PDCD1LG2: variants seen among roughly 807,000 people sequenced by gnomAD.
PDCD1LG2 encodes B7 dendritic cell molecule.
Under a neutral mutation model 28.2 loss-of-function variants are expected in PDCD1LG2, and 32 were observed. The observed-to-expected ratio is 1.13, with a 90% CI of 0.86 to 1.52. PDCD1LG2 has a LOEUF of 1.52. PDCD1LG2 is among the 40% of genes most tolerant of loss of function. The pLI is 0.00. For missense variants in PDCD1LG2, 385 were observed against 323.8 expected (o/e 1.19, Z -1.45); for synonymous variants, 116 against 120.2 (o/e 0.97, Z 0.23).
At chr9:5,518,689 C>A (rs954386630) in intron 1 of PDCD1LG2, among the ~76,000 whole-genome samples, 3 of 152,228 alleles carry the variant, frequency 2.0e-5, no homozygotes, top group African/African-American at 7.2e-5. Flanking sequence ...GAGGACCTTA[C>A]ATTTCCCTCT....
intron 6 of PDCD1LG2, among the ~76,000 whole-genome samples, chr9:5,566,870 T>C (rs981266346): frequency 6.6e-6 from 1 of 152,220 alleles, no homozygotes; most frequent in Admixed American, 6.5e-5. Flanking sequence ...TTATGTATCA[T>C]TCATGTCCTA....
intron 2 of PDCD1LG2, among the ~76,000 whole-genome samples, chr9:5,534,198 C>T (rs553297106): frequency 1.3e-5 from 2 of 152,168 alleles, no homozygotes; most frequent in African/African-American, 4.8e-5. Flanking sequence ...AAGAATTCAA[C>T]AAGTAATAGT....
intron 4 of PDCD1LG2, among the ~76,000 whole-genome samples, chr9:5,555,274 A>G (rs1291350581): frequency 1.3e-5 from 2 of 152,066 alleles, no homozygotes; most frequent in Non-Finnish European, 2.9e-5. Context: ...AAAATTAGCC[A>G]GGCATGGTGG....
intron 3 of PDCD1LG2, among the ~76,000 whole-genome samples, chr9:5,538,726 G>C (rs974019742): frequency 4.6e-5 from 7 of 151,586 alleles, no homozygotes; most frequent in Non-Finnish European, 7.4e-5. Context: ...GACACATTAA[G>C]TTTATTGTGA....
Position 5,570,716 on chromosome 9 carries a change from A to G in PDCD1LG2, c.*757A>G, listed in dbSNP as rs1295970488. ...TTATTTGTTTTTACCTTAGAAATCAATTATATACAGTCAAAAATATTTGAT... is the reference window on the plus strand; with the variant it reads ...TTATTTGTTTTTACCTTAGAAATCAGTTATATACAGTCAAAAATATTTGAT... On this transcript the variant is annotated 3_prime_UTR_variant, in exon 7 of 7. Transcript: ENST00000397747. The G allele has an allele frequency of 4.3e-6, 1 of 232,048 alleles. No homozygotes were observed. The highest frequency in any genetic ancestry group is 5.6e-5 in the Admixed American group (1 of 17,754). 14.4% of individuals were successfully genotyped at this position (232,048 alleles called of 1,614,324 possible).
chr9:5,547,636 T>G (rs1816237945), intron 3 of PDCD1LG2, among the ~76,000 whole-genome samples: 1 of 152,100 alleles, frequency 6.6e-6, no homozygotes. Flanking sequence ...TATGTATAGA[T>G]TATAGAAAGA....
intron 1 of PDCD1LG2, among the ~76,000 whole-genome samples, chr9:5,514,306 G>C (rs900485297): frequency 3.3e-5 from 5 of 152,170 alleles, no homozygotes; most frequent in East Asian, 1.9e-4. Flanking sequence ...GATAATTAAA[G>C]CTTCAGCACC....
At chr9:5,517,569 G>A (rs1182303185) in intron 1 of PDCD1LG2, among the ~76,000 whole-genome samples, 5 of 152,152 alleles carry the variant, frequency 3.3e-5, no homozygotes, top group African/African-American at 9.7e-5. Flanking sequence ...CTGAGCCATC[G>A]GAAGGTTTTA....
At chr9:5,527,962 G>C (rs934959419) in intron 2 of PDCD1LG2, among the ~76,000 whole-genome samples, 3 of 151,936 alleles carry the variant, frequency 2.0e-5, no homozygotes, top group African/African-American at 7.3e-5. Context: ...CCAAGTAGCT[G>C]GGATTACAGG....
At chr9:5,519,364 C>T (rs1477287424) in intron 1 of PDCD1LG2, among the ~76,000 whole-genome samples, 1 of 152,158 alleles carries the variant, frequency 6.6e-6, no homozygotes, top group Non-Finnish European at 1.5e-5. Flanking sequence ...GTGGTTTACT[C>T]TCTCTTAGAG....
chr9:5,516,945 T>C (rs528982243), intron 1 of PDCD1LG2, among the ~76,000 whole-genome samples: 4 of 152,304 alleles, frequency 2.6e-5, no homozygotes, highest in Admixed American at 1.3e-4. Flanking sequence ...CAGGGGTGCC[T>C]GGGAGCATGC....
chr9:5,520,018 C>A (rs1332315252), intron 1 of PDCD1LG2, among the ~76,000 whole-genome samples: 1 of 152,296 alleles, frequency 6.6e-6, no homozygotes. Context: ...CCAAATTGAT[C>A]TATGGATTCA....
chr9:5,559,041 G>T (rs538738498), intron 5 of PDCD1LG2, among the ~76,000 whole-genome samples: 7 of 152,130 alleles, frequency 4.6e-5, no homozygotes, highest in Admixed American at 4.6e-4. Flanking sequence ...AGGGTTCAAG[G>T]CCTGGGGCCT....
intron 4 of PDCD1LG2, among the ~76,000 whole-genome samples, chr9:5,553,586 T>G (rs1816380128): frequency 1.3e-5 from 2 of 152,140 alleles, no homozygotes; most frequent in African/African-American, 4.8e-5. Context: ...GGTAGAGATG[T>G]GAAAGGGCAG....
chr9:5,523,447 A>G (rs1820315272), intron 2 of PDCD1LG2, among the ~76,000 whole-genome samples: 1 of 152,144 alleles, frequency 6.6e-6, no homozygotes, highest in African/African-American at 2.4e-5. Flanking sequence ...CCTTTCGAAG[A>G]GCTTTCTCCT....
intron 3 of PDCD1LG2, among the ~76,000 whole-genome samples, chr9:5,541,906 G>A (rs1006039310): frequency 5.9e-5 from 9 of 152,088 alleles, no homozygotes; most frequent in African/African-American, 2.2e-4. Flanking sequence ...CAAACCTGGA[G>A]GCATCACATT....
intron 1 of PDCD1LG2, among the ~76,000 whole-genome samples, chr9:5,517,709 G>T (rs1357748527): frequency 6.6e-6 from 1 of 152,206 alleles, no homozygotes; most frequent in Non-Finnish European, 1.5e-5. Flanking sequence ...AAATGACAAT[G>T]ACTCTGACCG....
At position 5,531,754 on chromosome 9, in the gene PDCD1LG2, A is replaced by G. The variant is rs367609066; in HGVS notation, c.56-2991A>G. Among the ~76,000 whole-genome samples the G allele has an allele frequency of 3.2e-3, 493 of 152,342 alleles. 3 individuals carry two copies. The highest frequency in any genetic ancestry group is 0.023 in the South Asian group (110 of 4,826). ...GTCTCTACCCAAAGTCATCTATTTA[A>G]TTCTTGTTGTTATGCAGACTCAGCA... is the stretch of plus-strand genomic sequence containing the variant. On this transcript the variant is annotated intron_variant, in intron 2 of 6. Transcript: ENST00000397747.
At chr9:5,544,586 A>G (rs1820755975) in intron 3 of PDCD1LG2, among the ~76,000 whole-genome samples, 1 of 152,218 alleles carries the variant, frequency 6.6e-6, no homozygotes, top group African/African-American at 2.4e-5. Flanking sequence ...AAAGTGAGAG[A>G]TGGATCTGAA....
Sources: gnomAD v4.1 joint callset for allele counts (sites outside exome capture counted in the v4.1 genomes callset) on GRCh38, gnomAD v4.1.1 for gene constraint, MANE v1.5 for transcripts, NCBI Gene and HGNC (gene_info 2026-07-23, HGNC 2026-07-21) for gene names.